The following CREB3L3 variants were observed in gnomAD, a reference collection of about 807,000 sequenced individuals.
CREB3L3 encodes the protein cAMP responsive element binding protein 3 like 3.
A neutral mutation model predicts 44.6 loss-of-function variants in CREB3L3; 40 were observed. The ratio of observed to expected loss-of-function variants is 0.90; its 90% CI spans 0.70 to 1.17. The LOEUF (loss-of-function observed/expected upper bound fraction) is 1.17. Ranked by LOEUF, CREB3L3 falls within the 50% of genes most tolerant of loss-of-function variation. The pLI is 0.00. For missense variants in CREB3L3, 578 were observed against 595.8 expected (o/e 0.97, Z 0.31); for synonymous variants, 273 against 256.3 (o/e 1.06, Z -0.62).
chr19:4,158,693 C>T (rs1706723221), intron 3 of CREB3L3, among the ~76,000 whole-genome samples: 1 of 150,828 alleles, frequency 6.6e-6, no homozygotes, highest in Admixed American at 6.7e-5. Context: ...CTCAGCTACT[C>T]GGGAGGCTAA....
At chr19:4,155,809 G>A (rs1220064927) in intron 2 of CREB3L3, among the ~76,000 whole-genome samples, 1 of 142,576 alleles carries the variant, frequency 7.0e-6, no homozygotes, top group Non-Finnish European at 1.5e-5. Context: ...GCGCAATGGC[G>A]CGATCTTGGC....
At chr19:4,164,314 C>A (rs964543190) in intron 4 of CREB3L3, 189 bp from the exon 5 acceptor site, 17 of 691,814 alleles carry the variant, frequency 2.5e-5, no homozygotes, top group Non-Finnish European at 4.4e-5. Context: ...CATCATGTTA[C>A]CCAGGCTGGT....
At chr19:4,159,118 G>T (rs112073122) in intron 3 of CREB3L3, among the ~76,000 whole-genome samples, 1 of 151,900 alleles carries the variant, frequency 6.6e-6, no homozygotes, top group African/African-American at 2.4e-5. Flanking sequence ...CTTGTGGGAC[G>T]GACAGAACCA....
At chr19:4,166,691 T>C (rs1966913959) in intron 5 of CREB3L3, among the ~76,000 whole-genome samples, 2 of 151,038 alleles carry the variant, frequency 1.3e-5, no homozygotes, top group Admixed American at 1.3e-4. Context: ...CCACCGTGCC[T>C]GGCCCCATCT....
intron 5 of CREB3L3, 46 bp from the exon 6 acceptor site, chr19:4,168,305 T>TG: frequency 6.6e-7 from 1 of 1,504,116 alleles, no homozygotes; most frequent in Non-Finnish European, 9.2e-7. Flanking sequence ...GGACTCCAAG[T>TG]GGGGACTTTC....
rs2041591694 is a variant in CREB3L3 at position 4,157,074 on chromosome 19, T to A, written c.236T>A (p.Leu79His). ...GSGDSLPSSP[L>H]WSPEGSDSGI... ...GGAGACTCACTGCCCAGCTCCCCAC[T>A]CTGGTCCCCCGAAGGCAGTGATAGT... The change falls in exon 3 of 10, where the codon CTC becomes CAC. Residue 79 changes from leucine (L) to histidine (H), a missense_variant. Physicochemically the swap from Leu to His is moderately conservative, Grantham distance 99. Transcript: ENST00000078445. 1.2e-6 allele frequency: 2 copies of A among 1,613,604 alleles called. No homozygotes were observed. The highest frequency in any genetic ancestry group is 4.5e-5 in the East Asian group (2 of 44,854).
chr19:4,162,635 G>C (rs1010745582), intron 4 of CREB3L3, among the ~76,000 whole-genome samples: 1 of 151,824 alleles, frequency 6.6e-6, no homozygotes, highest in African/African-American at 2.4e-5. Context: ...AGTTAGCTAT[G>C]ATCACACGAC....
intron 2 of CREB3L3, among the ~76,000 whole-genome samples, chr19:4,156,195 C>CTT (rs1555702410): frequency 0.14 from 18,961 of 132,694 alleles, 2,566 homozygotes; most frequent in East Asian, 0.3. Context: ...CTCTCTCTCT[C>CTT]TCTTTCTTAG....
intron 7 of CREB3L3, among the ~76,000 whole-genome samples, chr19:4,170,761 A>AG (rs1319870903): frequency 4.6e-5 from 7 of 150,888 alleles, no homozygotes; most frequent in African/African-American, 1.7e-4. Flanking sequence ...TACAAAAAAA[A>AG]TTAGCTGGGT....
At chr19:4,159,559 G>A (rs575332946) in intron 3 of CREB3L3, 105 bp from the exon 4 acceptor site, 1 of 757,974 alleles carries the variant, frequency 1.3e-6, no homozygotes, top group Admixed American at 1.8e-5. Context: ...TGAATGTTGG[G>A]ATTAATCATG....
chr19:4,163,807 CT>C (rs201891215), intron 4 of CREB3L3, among the ~76,000 whole-genome samples: 2,481 of 134,184 alleles, frequency 0.018, 26 homozygotes, highest in Non-Finnish European at 0.026. Flanking sequence ...GCCACCTTTT[CT>C]TTTTTTTTTT....
At chr19:4,153,902 G>A (rs2145113780) in intron 1 of CREB3L3, 128 bp downstream of exon 1, 1 of 1,124,954 alleles carries the variant, frequency 8.9e-7, no homozygotes, top group Non-Finnish European at 1.3e-6. Flanking sequence ...CCCAGAGAAA[G>A]GATGCAATGA....
Position 4,164,419 on chromosome 19 carries a change from T to C in CREB3L3, c.577-84T>C, listed in dbSNP as rs2041699701. 2.6e-6 allele frequency: 4 copies of C among 1,551,664 alleles called. No homozygotes were observed. The East Asian group carries it at 9.0e-5, about 35-fold the overall frequency. ...CACCACACCCAGCCTGGGGTGATAG[T>C]GTTTTCGATCTGATACCTCTTTCAT... On this transcript the variant is annotated intron_variant, in intron 4 of 9. Coordinates refer to ENST00000078445, the MANE Select transcript of CREB3L3 (RefSeq NM_032607.3).
In CREB3L3 at chr19:4,171,297, T is replaced by C; in HGVS notation, c.976-86T>C. Reference sequence around the variant, plus strand: ...GCTCAAGTATGATCCAGTCTGGTCTTTGGGGCCTCAGTTTCCCTGCCTGTG... The same window carrying C: ...GCTCAAGTATGATCCAGTCTGGTCTCTGGGGCCTCAGTTTCCCTGCCTGTG... On this transcript the variant is annotated intron_variant, in intron 8 of 9. Coordinates refer to ENST00000078445, the MANE Select transcript of CREB3L3 (RefSeq NM_032607.3). The surrounding 1 kb of genome is among the most constrained non-coding windows in gnomAD (Gnocchi z 4.9). 2 of 1,475,436 alleles carry C rather than the reference T, an allele frequency of 1.4e-6. No homozygotes were observed. Among genetic ancestry groups the C allele is most frequent in the Non-Finnish European group, 1.9e-6 (2 of 1,058,716 alleles). 91.4% of individuals were successfully genotyped at this position (1,475,436 alleles called of 1,614,324 possible). A position where few individuals can be genotyped will look rare whatever the true frequency, so the allele number is the denominator to read the frequency against.
At position 4,168,342 on chromosome 19, in the gene CREB3L3, A is replaced by G. The variant is rs777292587; in HGVS notation, c.715-9A>G. 3.1e-6 allele frequency: 5 copies of G among 1,605,720 alleles called. No individual in the cohort carries two copies. The highest frequency in any genetic ancestry group is 4.3e-6 in the Non-Finnish European group (5 of 1,174,580). ...GGCCTGAAACCCTCCTCCCCATTTC[A>G]CTTGGCAGTACGAGGAGCGAGTGCT... On this transcript the variant is annotated splice_polypyrimidine_tract_variant and intron_variant, in intron 5 of 9. Transcript: ENST00000078445.
chr19:4,154,457 C>T (rs1030060003), intron 1 of CREB3L3, among the ~76,000 whole-genome samples: 1 of 152,088 alleles, frequency 6.6e-6, no homozygotes, highest in African/African-American at 2.4e-5. Context: ...GCAGCCTCAA[C>T]CTCCTGGGTT....
At position 4,171,175 on chromosome 19, in the gene CREB3L3, A is replaced by T; in HGVS notation, c.975A>T (p.Ala325=). The change falls in exon 8 of 10, where the codon GCA becomes GCT. Residue 325 remains alanine, a splice_region_variant and synonymous_variant. Coordinates refer to ENST00000078445, the MANE Select transcript of CREB3L3 (RefSeq NM_032607.3). The surrounding 1 kb of genome is among the most constrained non-coding windows in gnomAD (Gnocchi z 4.9). ...CAGCCCAGACAGGCACCTGTGTCGCAGTGAGTCCTGGTGCCCCCAGGCAAG... is the reference window on the plus strand; with the variant it reads ...CAGCCCAGACAGGCACCTGTGTCGCTGTGAGTCCTGGTGCCCCCAGGCAAG... ...SKSAQTGTCV[A]VLLLSFALII... 6.2e-7 allele frequency: 1 copy of T among 1,613,774 alleles called. No homozygotes were observed. Among genetic ancestry groups the T allele is most frequent in the African/African-American group, 1.3e-5 (1 of 75,034 alleles).
intron 5 of CREB3L3, among the ~76,000 whole-genome samples, chr19:4,167,412 A>G (rs904696468): frequency 1.4e-5 from 2 of 146,828 alleles, no homozygotes; most frequent in Non-Finnish European, 3.0e-5. Context: ...AAAGAAAGGA[A>G]AAGAAAGAAA....
intron 6 of CREB3L3, among the ~76,000 whole-genome samples, chr19:4,169,151 G>A (rs1423988012): frequency 6.6e-6 from 1 of 152,070 alleles, no homozygotes; most frequent in East Asian, 1.9e-4. Flanking sequence ...CAAAAGCTGA[G>A]ATCAGAGAGT....
Sources: allele counts gnomAD v4.1 joint callset (sites outside exome capture counted in the v4.1 genomes callset), GRCh38; gene constraint gnomAD v4.1.1; non-coding constraint Gnocchi (gnomAD v3.1); transcripts MANE v1.5; gene names NCBI Gene and HGNC (gene_info 2026-07-23, HGNC 2026-07-21).